ANKRD13C: variants seen among roughly 807,000 people sequenced by gnomAD.
The protein encoded by ANKRD13C is ankyrin repeat domain 13C.
Under a neutral mutation model 65.5 loss-of-function variants are expected in ANKRD13C, and 16 were observed. The observed-to-expected ratio is 0.24, with a 90% CI of 0.17 to 0.37. The LOEUF (loss-of-function observed/expected upper bound fraction) is 0.37, where lower values mean the gene tolerates loss of function less well. Ranked by LOEUF, ANKRD13C falls within the 10% of genes least tolerant of loss-of-function variation. ANKRD13C has a pLI of 1.00. For missense variants in ANKRD13C, 503 were observed against 655.9 expected, an observed-to-expected ratio of 0.77 and a Z score of 2.55; for synonymous variants, 235 against 238.7, an observed-to-expected ratio of 0.98 and a Z score of 0.14.
chr1:70,319,398 G>C (rs1197619845), intron 3 of ANKRD13C, among the ~76,000 whole-genome samples: 1 of 152,060 alleles, frequency 6.6e-6, no homozygotes, highest in Admixed American at 6.6e-5. Context: ...CTGAGGTCAG[G>C]AGTTCAAGAC....
chr1:70,271,881 C>T (rs1678896962), intron 11 of ANKRD13C, among the ~76,000 whole-genome samples: 1 of 152,146 alleles, frequency 6.6e-6, no homozygotes, highest in African/African-American at 2.4e-5. Flanking sequence ...TCATATTGAA[C>T]CATTTTTGTC....
At chr1:70,316,481 G>A (rs911869859) in intron 3 of ANKRD13C, among the ~76,000 whole-genome samples, 16 of 150,604 alleles carry the variant, frequency 1.1e-4, no homozygotes, top group African/African-American at 2.4e-4. Context: ...TCAGGAGTTC[G>A]AGACCAGCCT....
intron 9 of ANKRD13C, among the ~76,000 whole-genome samples, chr1:70,289,765 C>T (rs973495479): frequency 6.6e-5 from 10 of 151,898 alleles, no homozygotes; most frequent in African/African-American, 2.4e-4. Context: ...CCTGAGCCAC[C>T]GCGCCCAGCC....
chr1:70,297,844 T>C (rs1404408810), intron 7 of ANKRD13C, among the ~76,000 whole-genome samples: 10 of 140,622 alleles, frequency 7.1e-5, no homozygotes, highest in Non-Finnish European at 1.5e-4. Flanking sequence ...ACCCGGGAGG[T>C]GGAGGTTGCG....
At chr1:70,292,250 T>A in intron 9 of ANKRD13C, 138 bp downstream of exon 9, 1 of 609,936 alleles carries the variant, frequency 1.6e-6, no homozygotes, top group Non-Finnish European at 2.5e-6. Context: ...ATCAACGAAA[T>A]GAAGATTCAC....
At chr1:70,265,100 G>A (rs971909672) in intron 12 of ANKRD13C, among the ~76,000 whole-genome samples, 2 of 152,134 alleles carry the variant, frequency 1.3e-5, no homozygotes, top group African/African-American at 4.8e-5. Context: ...ATCAGGTGGA[G>A]TTTAGGCCAA....
intron 6 of ANKRD13C, among the ~76,000 whole-genome samples, chr1:70,304,367 T>C (rs1035103403): frequency 2.0e-5 from 3 of 152,142 alleles, no homozygotes; most frequent in South Asian, 4.1e-4. Flanking sequence ...TCAAAGAGAT[T>C]CCTTCTTGCC....
intron 2 of ANKRD13C, among the ~76,000 whole-genome samples, chr1:70,331,120 G>A (rs1228271981): frequency 6.6e-6 from 1 of 152,202 alleles, no homozygotes; most frequent in African/African-American, 2.4e-5. Flanking sequence ...AACGCCCTGG[G>A]AAATTTTGTT....
chr1:70,311,814 T>C (rs1303061201), intron 5 of ANKRD13C, among the ~76,000 whole-genome samples: 1 of 152,200 alleles, frequency 6.6e-6, no homozygotes, highest in Non-Finnish European at 1.5e-5. Flanking sequence ...AAAAGCATAA[T>C]ACAATTTTTA....
intron 2 of ANKRD13C, among the ~76,000 whole-genome samples, chr1:70,327,124 T>A (rs1681578311): frequency 6.6e-6 from 1 of 152,132 alleles, no homozygotes; most frequent in South Asian, 2.1e-4. Context: ...CAAGAATATT[T>A]ACTAATAACA....
At chr1:70,344,369 G>A (rs1279212787) in intron 1 of ANKRD13C, among the ~76,000 whole-genome samples, 2 of 151,758 alleles carry the variant, frequency 1.3e-5, no homozygotes, top group East Asian at 1.9e-4. Flanking sequence ...AGGAGGGTGA[G>A]GTGGGAGGAT....
chr1:70,354,476 G>T lies in ANKRD13C; in HGVS notation c.-68C>A. On this transcript the variant is annotated 5_prime_UTR_variant, in exon 1 of 13. Transcript: ENST00000370944. ...CTGGCGACGGAGCTGGCGCTGCGGC[G>T]GCACAAGGCGATTAGAGCGGTGGCC... 1.3e-6 allele frequency: 2 copies of T among 1,521,728 alleles called. No individual in the cohort carries two copies. The highest frequency in any genetic ancestry group is 2.3e-5 in the East Asian group (1 of 42,760). 94.3% of individuals were successfully genotyped at this position (1,521,728 alleles called of 1,614,324 possible).
intron 4 of ANKRD13C, among the ~76,000 whole-genome samples, chr1:70,314,224 A>AT (rs903807914): frequency 4.2e-4 from 62 of 146,804 alleles, no homozygotes; most frequent in Middle Eastern, 3.6e-3. Flanking sequence ...TGAAAAAAAA[A>AT]TTTTTTTTTT....
intron 1 of ANKRD13C, among the ~76,000 whole-genome samples, chr1:70,352,390 A>G (rs1434834454): frequency 6.6e-6 from 1 of 151,830 alleles, no homozygotes; most frequent in Non-Finnish European, 1.5e-5. Flanking sequence ...TAAGGACAAG[A>G]GTTTAAGAGT....
chr1:70,308,446 AAAAG>A (rs890200877), intron 5 of ANKRD13C, among the ~76,000 whole-genome samples: 9 of 151,946 alleles, frequency 5.9e-5, no homozygotes, highest in African/African-American at 9.7e-5. Flanking sequence ...TAAGAAAAAA[AAAAG>A]AAAAGGGCAA....
chr1:70,336,104 AAAAAAT>A lies in ANKRD13C; in HGVS notation c.431-11_431-6del. On this transcript the variant is annotated splice_polypyrimidine_tract_variant and splice_region_variant and intron_variant, in intron 1 of 12. Transcript: ENST00000370944. ...CAAGGTGTAAAGGAGTATTTCCTAA[AAAAAAT>A]AAAATAAAATAAATAAATTAGAAGG... The A allele has an allele frequency of 2.7e-6, 2 of 733,928 alleles. No individual in the cohort carries two copies. The highest frequency in any genetic ancestry group is 1.9e-6 in the Non-Finnish European group (1 of 523,746). The allele number at this position is 733,928 out of a possible 1,614,324, so 45.5% of individuals were successfully genotyped here. A position where few individuals can be genotyped will look rare whatever the true frequency, so the allele number is the denominator to read the frequency against.
chr1:70,265,555 C>CT (rs1212562665), intron 12 of ANKRD13C, among the ~76,000 whole-genome samples: 1 of 151,996 alleles, frequency 6.6e-6, no homozygotes, highest in Non-Finnish European at 1.5e-5. Flanking sequence ...GGCACAGTGG[C>CT]TGACACCTGT....
At chr1:70,345,722 T>C (rs368162351) in intron 1 of ANKRD13C, among the ~76,000 whole-genome samples, 2 of 152,356 alleles carry the variant, frequency 1.3e-5, no homozygotes, top group South Asian at 4.1e-4. Context: ...AAGCTTACCA[T>C]GGTAGAGATA....
rs557054684 is a variant in ANKRD13C, at chr1:70,304,916, A to G, written c.776+1308T>C. On this transcript the variant is annotated intron_variant, in intron 6 of 12. Transcript: ENST00000370944. ...TCCAAGTTTTCTGTAATGACAGTGC[A>G]TTTAAGGTACATGAGCACTTTTATA... Among the ~76,000 whole-genome samples the G allele has an allele frequency of 7.2e-5, 11 of 152,248 alleles. No homozygotes were observed. The East Asian group carries it at 1.9e-3, about 27-fold the overall frequency.
Sources: allele counts gnomAD v4.1 joint callset (sites outside exome capture counted in the v4.1 genomes callset), GRCh38; gene constraint gnomAD v4.1.1; transcripts MANE v1.5; gene names NCBI Gene and HGNC (gene_info 2026-07-23, HGNC 2026-07-21).